MAN2A1: variants seen among roughly 807,000 people sequenced by gnomAD.
MAN2A1 encodes alpha-mannosidase 2.
In MAN2A1, 76 loss-of-function variants were observed where a neutral mutation model predicts 142.6. That is an observed-to-expected ratio of 0.53 (90% CI 0.44 to 0.65). The LOEUF is 0.65. Ranked by LOEUF, MAN2A1 falls within the 30% of genes least tolerant of loss-of-function variation. The pLI is 0.00. For synonymous variants in MAN2A1, 559 were observed against 473.2 expected (o/e 1.18, Z -2.35); for missense variants, 1,311 against 1,365.1 (o/e 0.96, Z 0.62).
At position 109,842,276 on chromosome 5, in the gene MAN2A1, G is replaced by T. The variant is rs539648704; in HGVS notation, c.2567-52G>T. ...GTTCTGTATAGTATATTTCAAAAAG[G>T]TGAGGCAAGTAATTTCTTTCTATTA... On this transcript the variant is annotated intron_variant, in intron 16 of 21. Transcript: ENST00000261483. The T allele has an allele frequency of 1.7e-4, 217 of 1,240,602 alleles. 2 individuals carry two copies. The African/African-American group carries it at 2.9e-3, about 17-fold the overall frequency. The allele number at this position is 1,240,602 out of a possible 1,614,324, so 76.8% of individuals were successfully genotyped here. A position where few individuals can be genotyped will look rare whatever the true frequency, so the allele number is the denominator to read the frequency against.
intron 5 of MAN2A1, among the ~76,000 whole-genome samples, chr5:109,760,265 T>C (rs1752807086): frequency 6.6e-6 from 1 of 152,182 alleles, no homozygotes; most frequent in Non-Finnish European, 1.5e-5. Context: ...GTTAGTTTGC[T>C]GAGAATGATG....
intron 16 of MAN2A1, 68 bp from the exon 17 acceptor site, chr5:109,842,260 A>G (rs958895854): frequency 3.3e-5 from 33 of 1,000,068 alleles, no homozygotes; most frequent in Non-Finnish European, 4.5e-5. Flanking sequence ...AGTTCTGTAT[A>G]GTATATTTCA....
intron 1 of MAN2A1, among the ~76,000 whole-genome samples, chr5:109,700,511 G>A (rs1406297018): frequency 6.6e-6 from 1 of 152,126 alleles, no homozygotes; most frequent in Admixed American, 6.6e-5. Flanking sequence ...CATTTTACCT[G>A]TAGAGCATCG....
At chr5:109,731,277 T>TA (rs1453009849) in intron 4 of MAN2A1, among the ~76,000 whole-genome samples, 1 of 152,022 alleles carries the variant, frequency 6.6e-6, no homozygotes, top group Non-Finnish European at 1.5e-5. Flanking sequence ...CTTTTTTTTT[T>TA]TAAGCAATTG....
intron 3 of MAN2A1, among the ~76,000 whole-genome samples, chr5:109,718,693 C>T (rs998987801): frequency 3.3e-4 from 50 of 152,286 alleles, no homozygotes; most frequent in African/African-American, 1.2e-3. Context: ...CACGCCTCCA[C>T]GCTTGCAGGT....
chr5:109,696,256 A>G (rs888161798), intron 1 of MAN2A1, among the ~76,000 whole-genome samples: 2 of 152,028 alleles, frequency 1.3e-5, no homozygotes, highest in African/African-American at 4.8e-5. Context: ...ACAAGCCACC[A>G]TGCCCAGCTA....
chr5:109,702,300 A>G (rs1032086311), intron 1 of MAN2A1, among the ~76,000 whole-genome samples: 1 of 148,106 alleles, frequency 6.8e-6, no homozygotes, highest in African/African-American at 2.5e-5. Context: ...TTTCTGGGTT[A>G]AGACAGAACA....
At chr5:109,806,852 G>A (rs17162279) in intron 12 of MAN2A1, among the ~76,000 whole-genome samples, 8,183 of 152,142 alleles carry the variant, frequency 0.054, 226 homozygotes, top group Non-Finnish European at 0.064. Flanking sequence ...TTGGACAAAT[G>A]GCTCTCCATG....
At chr5:109,858,168 T>C (rs867795698) in intron 20 of MAN2A1, among the ~76,000 whole-genome samples, 4 of 152,202 alleles carry the variant, frequency 2.6e-5, no homozygotes, top group South Asian at 4.1e-4. Context: ...CCATGCTGGC[T>C]CATAATCAGA....
At chr5:109,752,981 A>G (rs1353689676) in intron 4 of MAN2A1, among the ~76,000 whole-genome samples, 2 of 152,208 alleles carry the variant, frequency 1.3e-5, no homozygotes, top group African/African-American at 2.4e-5. Context: ...TAAAACTAAT[A>G]TAGATGAAAA....
chr5:109,742,175 C>G (rs569821231), intron 4 of MAN2A1, among the ~76,000 whole-genome samples: 20 of 152,300 alleles, frequency 1.3e-4, no homozygotes, highest in Non-Finnish European at 2.8e-4. Context: ...ATTGGAACAG[C>G]TTTTATATTG....
chr5:109,783,401 G>T (rs182361006), intron 9 of MAN2A1, among the ~76,000 whole-genome samples: 2 of 152,268 alleles, frequency 1.3e-5, no homozygotes, highest in Admixed American at 1.3e-4. Context: ...ATTTTAGGGT[G>T]TCTGGATATG....
At chr5:109,709,499 G>T (rs1044439158) in intron 1 of MAN2A1, among the ~76,000 whole-genome samples, 1 of 152,218 alleles carries the variant, frequency 6.6e-6, no homozygotes, top group Admixed American at 6.5e-5. Flanking sequence ...AAGATACACA[G>T]ATTCAGCCAT....
intron 12 of MAN2A1, among the ~76,000 whole-genome samples, chr5:109,809,068 G>C (rs1476133222): frequency 6.6e-6 from 1 of 151,906 alleles, no homozygotes; most frequent in East Asian, 1.9e-4. Context: ...CTAAGTTATA[G>C]TTTTTTCTGA....
chr5:109,863,442 T>G (rs1318848570), intron 20 of MAN2A1: 1 of 152,184 alleles, frequency 6.6e-6, no homozygotes, highest in East Asian at 1.9e-4. Flanking sequence ...AGAGCAAGGA[T>G]CCAGATCTCC....
intron 5 of MAN2A1, among the ~76,000 whole-genome samples, chr5:109,762,016 G>A (rs184178865): frequency 6.8e-4 from 103 of 152,098 alleles, no homozygotes; most frequent in African/African-American, 2.4e-3. Context: ...TAATATACTA[G>A]CAGAAAGTAA....
intron 19 of MAN2A1, among the ~76,000 whole-genome samples, chr5:109,849,440 C>G (rs567210496): frequency 2.0e-5 from 3 of 152,286 alleles, no homozygotes; most frequent in Admixed American, 1.3e-4. Flanking sequence ...GTGTTCCCCC[C>G]AGTCAACAGC....
intron 9 of MAN2A1, among the ~76,000 whole-genome samples, chr5:109,783,812 T>C (rs1243240285): frequency 6.6e-6 from 1 of 151,260 alleles, no homozygotes; most frequent in African/African-American, 2.4e-5. Context: ...GTGGAAATTA[T>C]AGCCCCCATG....
At chr5:109,846,137 C>A in intron 18 of MAN2A1, 131 bp downstream of exon 18, 1 of 740,570 alleles carries the variant, frequency 1.4e-6, no homozygotes, top group Non-Finnish European at 2.0e-6. Flanking sequence ...TTTCTTTCAA[C>A]AACCAGACTA....
Sources: gnomAD v4.1 joint callset for allele counts (sites outside exome capture counted in the v4.1 genomes callset) on GRCh38, gnomAD v4.1.1 for gene constraint, MANE v1.5 for transcripts, NCBI Gene and HGNC (gene_info 2026-07-23, HGNC 2026-07-21) for gene names.